Variants in STK39 observed in about 807,000 individuals in gnomAD.
STK39 encodes the protein STE20/SPS1-related proline-alanine-rich protein kinase.
Under a neutral mutation model 77.8 loss-of-function variants are expected in STK39, and 20 were observed. The ratio of observed to expected loss-of-function variants is 0.26; its 90% CI spans 0.18 to 0.37. STK39 has a LOEUF of 0.37. Ranked by LOEUF, STK39 falls within the 10% of genes least tolerant of loss-of-function variation. The pLI is 1.00. For synonymous variants in STK39, 246 were observed against 234.1 expected, an observed-to-expected ratio of 1.05 and a Z score of -0.47; for missense variants, 479 against 656.5, an observed-to-expected ratio of 0.73 and a Z score of 2.95.
chr2:168,235,852 C>G (rs1186540902), intron 1 of STK39, among the ~76,000 whole-genome samples: 1 of 152,120 alleles, frequency 6.6e-6, no homozygotes, highest in Non-Finnish European at 1.5e-5. Flanking sequence ...TCCAGTCTAT[C>G]ATTGTTGGAC....
In STK39 at chr2:168,089,376, A is replaced by G. The variant is rs537355929; in HGVS notation, c.1090-14145T>C. On this transcript the variant is annotated intron_variant, in intron 10 of 17. Coordinates refer to ENST00000355999, the MANE Select transcript of STK39 (RefSeq NM_013233.3). ...TAAAAACATACTTCTTTTAAAAAAC[A>G]CAAACAACATGGAAGCAGATAAAAC... is the stretch of plus-strand genomic sequence containing the variant. Among the ~76,000 whole-genome samples, 8 of 152,366 alleles carry G rather than the reference A, an allele frequency of 5.3e-5. No individual in the cohort carries two copies. The East Asian group carries it at 1.3e-3, about 26-fold the overall frequency.
Position 168,185,368 on chromosome 2 carries a change from A to G in STK39, c.209-3278T>C, listed in dbSNP as rs536559638. Reference sequence around the variant, plus strand: ...CTTTTAAGTCACTCTATCTCAATTCACTTTTGCTAAGTAATTCCCGACTAA... The same window carrying G: ...CTTTTAAGTCACTCTATCTCAATTCGCTTTTGCTAAGTAATTCCCGACTAA... On this transcript the variant is annotated intron_variant, in intron 1 of 17. Coordinates refer to ENST00000355999, the MANE Select transcript of STK39 (RefSeq NM_013233.3). Among the ~76,000 whole-genome samples the G allele has an allele frequency of 3.9e-5, 6 of 152,262 alleles. No homozygotes were observed. The South Asian group carries it at 1.2e-3, about 32-fold the overall frequency.
At chr2:168,102,287 A>C (rs920036519) in intron 10 of STK39, among the ~76,000 whole-genome samples, 4 of 152,210 alleles carry the variant, frequency 2.6e-5, no homozygotes, top group African/African-American at 9.6e-5. Context: ...GGAGGGTTCC[A>C]GTTCTTCCAC....
At chr2:168,087,295 G>T (rs140205163) in intron 10 of STK39, among the ~76,000 whole-genome samples, 1 of 152,300 alleles carries the variant, frequency 6.6e-6, no homozygotes, top group Non-Finnish European at 1.5e-5. Flanking sequence ...GGAACCAGAA[G>T]ATTTCTGACA....
chr2:167,973,049 T>C (rs1166222225), intron 16 of STK39, among the ~76,000 whole-genome samples: 1 of 152,110 alleles, frequency 6.6e-6, no homozygotes, highest in African/African-American at 2.4e-5. Context: ...AACTGACAAA[T>C]AAAAAATTTG....
intron 16 of STK39, among the ~76,000 whole-genome samples, chr2:167,968,034 T>C (rs114248437): frequency 0.038 from 5,821 of 151,668 alleles, 394 homozygotes; most frequent in African/African-American, 0.13. Context: ...AGTGAGAACA[T>C]GCGGTATTTG....
At chr2:168,028,223 G>C (rs1026939261) in intron 14 of STK39, among the ~76,000 whole-genome samples, 1 of 152,000 alleles carries the variant, frequency 6.6e-6, no homozygotes, top group African/African-American at 2.4e-5. Context: ...GTAATACAAT[G>C]AATACACATG....
At chr2:168,065,427 G>A in intron 12 of STK39, 46 bp from the exon 13 acceptor site, 2 of 1,583,924 alleles carry the variant, frequency 1.3e-6, no homozygotes, top group South Asian at 1.1e-5. Context: ...GCCAAAGGGA[G>A]ACACGGTGAG....
intron 10 of STK39, among the ~76,000 whole-genome samples, chr2:168,095,592 C>G (rs907239225): frequency 6.7e-6 from 1 of 149,766 alleles, no homozygotes; most frequent in African/African-American, 2.5e-5. Context: ...AAAGCCTGCG[C>G]TGAATCTGCT....
intron 12 of STK39, among the ~76,000 whole-genome samples, chr2:168,074,611 G>A (rs1686027586): frequency 6.6e-6 from 1 of 152,172 alleles, no homozygotes; most frequent in South Asian, 2.1e-4. Context: ...CACTTTGCCT[G>A]TATGGTTACT....
rs1691734590 is a variant in STK39, at chr2:167,955,340, T to A, written c.*156A>T. 1 of 638,752 alleles carries A rather than the reference T, an allele frequency of 1.6e-6. No individual in the cohort carries two copies. The highest frequency in any genetic ancestry group is 2.7e-6 in the Non-Finnish European group (1 of 374,144). 39.6% of individuals were successfully genotyped at this position (638,752 alleles called of 1,614,324 possible). Reference sequence around the variant, plus strand: ...TAAGTTTTAAAAAATTATTTTTTTATCCCATTTTGTTGAAGCCGGCCTCTT... The same window carrying A: ...TAAGTTTTAAAAAATTATTTTTTTAACCCATTTTGTTGAAGCCGGCCTCTT... On this transcript the variant is annotated 3_prime_UTR_variant, in exon 18 of 18. Coordinates refer to ENST00000355999, the MANE Select transcript of STK39 (RefSeq NM_013233.3).
Position 168,065,580 on chromosome 2 carries a change from TGTGACTCAGAATTCCACA to T in STK39, c.1243-217_1243-200del, listed in dbSNP as rs1320336064. On this transcript the variant is annotated intron_variant, in intron 12 of 17. Coordinates refer to ENST00000355999, the MANE Select transcript of STK39 (RefSeq NM_013233.3). ...AAAGACCCCTAGGCCCCTCCTGGCC[TGTGACTCAGAATTCCACA>T]GAGATGGAAGAGAATCTGTGTCTTT... 2.0e-5 allele frequency among the ~76,000 whole-genome samples: 3 copies of T among 152,226 alleles called. No individual in the cohort carries two copies. In the East Asian group the frequency reaches 5.8e-4, roughly 29 times the overall value.
At chr2:167,974,602 GTTA>G (rs1683222895) in intron 16 of STK39, among the ~76,000 whole-genome samples, 1 of 152,086 alleles carries the variant, frequency 6.6e-6, no homozygotes, top group African/African-American at 2.4e-5. Context: ...CGTAATTATG[GTTA>G]TTATGTTGTT....
At chr2:168,003,515 G>A (rs908296595) in intron 16 of STK39, among the ~76,000 whole-genome samples, 1 of 143,176 alleles carries the variant, frequency 7.0e-6, no homozygotes, top group African/African-American at 3.0e-5. Flanking sequence ...GGGAAACCAG[G>A]AGCAATGAGT....
intron 5 of STK39, among the ~76,000 whole-genome samples, chr2:168,149,748 A>T (rs1047928342): frequency 6.6e-6 from 1 of 152,266 alleles, no homozygotes; most frequent in Non-Finnish European, 1.5e-5. Context: ...AAACAGCTCC[A>T]GTATCAAGCA....
chr2:167,998,260 T>C (rs992612471), intron 16 of STK39, among the ~76,000 whole-genome samples: 6 of 152,214 alleles, frequency 3.9e-5, no homozygotes, highest in Non-Finnish European at 7.3e-5. Context: ...GAACTTACTT[T>C]ACTGCACCTG....
At chr2:168,133,331 TAC>T (rs1687748982) in intron 8 of STK39, among the ~76,000 whole-genome samples, 1 of 152,206 alleles carries the variant, frequency 6.6e-6, no homozygotes, top group Non-Finnish European at 1.5e-5. Flanking sequence ...CATCAGTAAG[TAC>T]AAAAACACAA....
chr2:167,998,783 C>A (rs778947077), intron 16 of STK39, among the ~76,000 whole-genome samples: 4 of 152,170 alleles, frequency 2.6e-5, no homozygotes, highest in East Asian at 1.9e-4. Flanking sequence ...CATAAATGAA[C>A]CCAGAACACT....
intron 4 of STK39, among the ~76,000 whole-genome samples, chr2:168,162,668 A>G (rs1333382557): frequency 1.3e-5 from 2 of 152,176 alleles, no homozygotes; most frequent in African/African-American, 2.4e-5. Context: ...GTGTAATCTT[A>G]GTACTTTGAA....
Sources: allele counts gnomAD v4.1 joint callset (sites outside exome capture counted in the v4.1 genomes callset), GRCh38; gene constraint gnomAD v4.1.1; transcripts MANE v1.5; gene names NCBI Gene and HGNC (gene_info 2026-07-23, HGNC 2026-07-21).